RHOU: variants seen among roughly 807,000 people sequenced by gnomAD.
RHOU encodes ras homolog family member U, also known as rho-related GTP-binding protein RhoU.
In RHOU, 8 loss-of-function variants were observed where a neutral mutation model predicts 12.6. That is an observed-to-expected ratio of 0.64 (90% confidence interval 0.37 to 1.15). The LOEUF (loss-of-function observed/expected upper bound fraction) is 1.15, where lower values mean the gene tolerates loss of function less well. RHOU is among the 50% of genes most tolerant of loss of function. RHOU has a pLI of 0.01. For missense variants in RHOU, 258 were observed against 347.0 expected (o/e 0.74, Z 2.04); for synonymous variants, 161 against 147.4 (o/e 1.09, Z -0.67).
chr1:228,659,949 T>G, the RHOU span, among the ~76,000 whole-genome samples: 1 of 113,524 alleles, frequency 8.8e-6, no homozygotes, highest in Non-Finnish European at 1.8e-5. Flanking sequence ...TAAAACCTGG[T>G]CTCTACAAAA....
the RHOU span, among the ~76,000 whole-genome samples, chr1:228,676,801 C>G: frequency 6.6e-6 from 1 of 151,946 alleles, no homozygotes; most frequent in Non-Finnish European, 1.5e-5. Context: ...AGAACCTTCT[C>G]AAGGGTGGGG....
At chr1:228,741,158 C>T (rs1662714875) in intron 2 of RHOU, among the ~76,000 whole-genome samples, 2 of 152,084 alleles carry the variant, frequency 1.3e-5, no homozygotes, top group Non-Finnish European at 2.9e-5. Flanking sequence ...TCTCTCTGCC[C>T]CGCCAACCCT....
intron 2 of RHOU, among the ~76,000 whole-genome samples, chr1:228,740,893 T>A (rs1466475223): frequency 6.6e-6 from 1 of 152,162 alleles, no homozygotes; most frequent in Non-Finnish European, 1.5e-5. Flanking sequence ...CTATAAGATG[T>A]CAAAAGGAGT....
Position 228,737,707 on chromosome 1 carries a change from C to T in RHOU, c.297C>T (p.Leu99=), listed in dbSNP as rs1295761557. The T allele has an allele frequency of 6.2e-7, 1 of 1,614,194 alleles. No homozygotes were observed. The change falls in exon 2 of 3, where the codon CTC becomes CTT. Residue 99 remains leucine, a synonymous_variant. Coordinates refer to ENST00000366691, the MANE Select transcript of RHOU (RefSeq NM_021205.6). This position sits in a 1 kb window ranked among gnomAD's most constrained non-coding sequence, Gnocchi z 4.1. ...CTGTGGATGGGCGGCCCGTGAGACT[C>T]CAACTCTGTGACACTGCCGGACAGG... ...VVSVDGRPVR[L]QLCDTAGQDE... is the part of the protein sequence containing the mutation.
At chr1:228,732,683 G>A (rs896857463), upstream of RHOU, among the ~76,000 whole-genome samples, 6 of 152,044 alleles carry the variant, frequency 3.9e-5, no homozygotes, top group Admixed American at 3.9e-4. Flanking sequence ...CAAATGAGTG[G>A]GCGTGGGATG....
At chr1:228,658,937 C>G in the RHOU span, among the ~76,000 whole-genome samples, 1 of 152,078 alleles carries the variant, frequency 6.6e-6, no homozygotes, top group Non-Finnish European at 1.5e-5. Flanking sequence ...ATAAATGCAC[C>G]CTTGCAGTTC....
At chr1:228,682,975 G>A in the RHOU span, among the ~76,000 whole-genome samples, 8 of 152,128 alleles carry the variant, frequency 5.3e-5, no homozygotes, top group African/African-American at 1.9e-4. Context: ...AAGGCAAAAG[G>A]CAGCCCCATG....
At chr1:228,650,330 C>T in the RHOU span, 1 of 464,878 alleles carries the variant, frequency 2.2e-6, no homozygotes, top group Non-Finnish European at 4.3e-6. Context: ...GGCTGCCGGC[C>T]CTACCTGGCC....
At chr1:228,654,776 C>T in the RHOU span, among the ~76,000 whole-genome samples, 3 of 152,180 alleles carry the variant, frequency 2.0e-5, no homozygotes, top group African/African-American at 7.2e-5. Context: ...TCATATTGTA[C>T]TATTGGTCTT....
the RHOU span, among the ~76,000 whole-genome samples, chr1:228,646,839 G>C: frequency 2.3e-3 from 354 of 152,080 alleles, 2 homozygotes; most frequent in Middle Eastern, 0.024. Context: ...GACACACACG[G>C]CTTGAAGGAG....
chr1:228,687,411 T>C, the RHOU span: 6 of 1,157,954 alleles, frequency 5.2e-6, no homozygotes, highest in Non-Finnish European at 7.7e-6. Context: ...CCAACATGCA[T>C]GCACTGCCTT....
the RHOU span, among the ~76,000 whole-genome samples, chr1:228,666,575 C>T: frequency 1.3e-5 from 2 of 152,116 alleles, no homozygotes; most frequent in Non-Finnish European, 2.9e-5. Flanking sequence ...CTCTCCCTAT[C>T]CCTCCCTTCC....
the RHOU span, among the ~76,000 whole-genome samples, chr1:228,715,915 CT>C: frequency 0.12 from 15,829 of 133,676 alleles, 794 homozygotes; most frequent in Middle Eastern, 0.26. Flanking sequence ...AAAGTATGAA[CT>C]TTTTTTTTTT....
At chr1:228,693,545 C>T in the RHOU span, among the ~76,000 whole-genome samples, 2 of 152,172 alleles carry the variant, frequency 1.3e-5, no homozygotes, top group African/African-American at 2.4e-5. Flanking sequence ...CAGCTCACTG[C>T]AACCTCTGCC....
At chr1:228,648,179 T>G in the RHOU span, 1 of 152,586 alleles carries the variant, frequency 6.6e-6, no homozygotes, top group East Asian at 1.9e-4. Flanking sequence ...TCTCCGTGTC[T>G]ACGCCCAAGC....
At chr1:228,680,202 G>A in the RHOU span, among the ~76,000 whole-genome samples, 2 of 152,156 alleles carry the variant, frequency 1.3e-5, no homozygotes, top group African/African-American at 2.4e-5. Context: ...GGAGGCTTCC[G>A]AGGTGATCCG....
the RHOU span, among the ~76,000 whole-genome samples, chr1:228,723,573 G>A: frequency 6.6e-6 from 1 of 152,224 alleles, no homozygotes; most frequent in Non-Finnish European, 1.5e-5. Flanking sequence ...CCATGTTTGG[G>A]TGGACCCAGT....
the RHOU span, among the ~76,000 whole-genome samples, chr1:228,672,816 T>C: frequency 1.3e-5 from 2 of 152,212 alleles, no homozygotes; most frequent in African/African-American, 4.8e-5. Flanking sequence ...ACTGTGTTAC[T>C]ACGGTTTCCC....
the RHOU span, among the ~76,000 whole-genome samples, chr1:228,696,908 G>C: frequency 6.6e-6 from 1 of 152,144 alleles, no homozygotes; most frequent in Non-Finnish European, 1.5e-5. Context: ...TTATTGATGA[G>C]ATTAATAAGT....
Sources: allele counts gnomAD v4.1 joint callset (sites outside exome capture counted in the v4.1 genomes callset), GRCh38; gene constraint gnomAD v4.1.1; non-coding constraint Gnocchi (gnomAD v3.1); transcripts MANE v1.5; gene names NCBI Gene and HGNC (gene_info 2026-07-23, HGNC 2026-07-21).